MGAT4C: variants seen among roughly 807,000 people sequenced by gnomAD.
MGAT4C encodes alpha-1,3-mannosyl-glycoprotein 4-beta-N-acetylglucosaminyltransferase C.
A neutral mutation model predicts 40.1 loss-of-function variants in MGAT4C; 19 were observed. The ratio of observed to expected loss-of-function variants is 0.47; its 90% CI spans 0.33 to 0.70. The LOEUF is 0.70. MGAT4C is among the 30% of genes least tolerant of loss of function. The probability of loss-of-function intolerance (pLI) is 0.02; values close to 1 mark genes in which losing one functional copy is unlikely to be tolerated. For synonymous variants in MGAT4C, 181 were observed against 187.1 expected, an observed-to-expected ratio of 0.97 and a Z score of 0.27; for missense variants, 491 against 563.2, an observed-to-expected ratio of 0.87 and a Z score of 1.30.
chr12:86,149,810 A>G (rs927771548), intron 1 of MGAT4C, among the ~76,000 whole-genome samples: 1 of 152,224 alleles, frequency 6.6e-6, no homozygotes. Flanking sequence ...ATTATGAAGA[A>G]CTACCATGGT....
intron 4 of MGAT4C, among the ~76,000 whole-genome samples, chr12:86,290,844 C>A (rs546507981): frequency 2.0e-5 from 3 of 151,892 alleles, no homozygotes; most frequent in Admixed American, 6.6e-5. Flanking sequence ...TACATTCTTG[C>A]GGTATGTTAC....
At chr12:86,374,355 A>G (rs1352939739) in intron 3 of MGAT4C, among the ~76,000 whole-genome samples, 1 of 152,162 alleles carries the variant, frequency 6.6e-6, no homozygotes, top group Admixed American at 6.6e-5. Context: ...TACCCAATGC[A>G]AAATATCTAG....
chr12:86,551,021 C>T (rs922240096), intron 2 of MGAT4C, among the ~76,000 whole-genome samples: 8 of 151,536 alleles, frequency 5.3e-5, no homozygotes, highest in African/African-American at 1.9e-4. Flanking sequence ...TGATCAGTCA[C>T]GTGCCCACAT....
intron 2 of MGAT4C, among the ~76,000 whole-genome samples, chr12:86,480,846 T>G (rs887847247): frequency 1.3e-5 from 2 of 151,858 alleles, no homozygotes; most frequent in African/African-American, 2.4e-5. Flanking sequence ...ACCTTTTGTA[T>G]TGTTTTTGTT....
At chr12:86,404,041 G>C (rs1459243376) in intron 3 of MGAT4C, among the ~76,000 whole-genome samples, 2 of 151,990 alleles carry the variant, frequency 1.3e-5, no homozygotes, top group East Asian at 3.9e-4. Flanking sequence ...CCTTTCACTG[G>C]TCATGGTGGT....
chr12:86,539,395 G>A (rs1414597753), intron 2 of MGAT4C, among the ~76,000 whole-genome samples: 1 of 152,168 alleles, frequency 6.6e-6, no homozygotes, highest in African/African-American at 2.4e-5. Flanking sequence ...TGGTGTACAT[G>A]TGCCACATTT....
chr12:86,329,905 A>G (rs1466665897), intron 4 of MGAT4C, among the ~76,000 whole-genome samples: 1 of 152,196 alleles, frequency 6.6e-6, no homozygotes, highest in Admixed American at 6.5e-5. Context: ...TGTAAAATAA[A>G]TGAATGGATG....
chr12:86,412,113 A>T (rs1434307630), intron 3 of MGAT4C, among the ~76,000 whole-genome samples: 1 of 152,206 alleles, frequency 6.6e-6, no homozygotes, highest in Admixed American at 6.5e-5. Context: ...GTCTAGTCAG[A>T]AGCTTGTAGC....
At chr12:86,159,085 G>A (rs1885300603) in intron 1 of MGAT4C, among the ~76,000 whole-genome samples, 1 of 152,104 alleles carries the variant, frequency 6.6e-6, no homozygotes, top group African/African-American at 2.4e-5. Context: ...TAGAAGTGGT[G>A]AGAGTAGGCA....
intron 1 of MGAT4C, among the ~76,000 whole-genome samples, chr12:86,760,027 C>T (rs745600050): frequency 1.3e-5 from 2 of 152,044 alleles, no homozygotes; most frequent in African/African-American, 2.4e-5. Context: ...TCAAAACATG[C>T]TACAAAGTCA....
At chr12:86,158,318 T>C (rs1885206113) in intron 1 of MGAT4C, among the ~76,000 whole-genome samples, 1 of 152,190 alleles carries the variant, frequency 6.6e-6, no homozygotes, top group Non-Finnish European at 1.5e-5. Flanking sequence ...AATTCAAATT[T>C]TGACCATTTT....
chr12:86,434,402 T>A (rs1428670634), intron 3 of MGAT4C, among the ~76,000 whole-genome samples: 1 of 151,850 alleles, frequency 6.6e-6, no homozygotes, highest in Non-Finnish European at 1.5e-5. Flanking sequence ...TGTCAAATAT[T>A]TATATATACT....
At chr12:86,447,208 C>A (rs555563096) in intron 2 of MGAT4C, among the ~76,000 whole-genome samples, 1 of 152,156 alleles carries the variant, frequency 6.6e-6, no homozygotes, top group African/African-American at 2.4e-5. Context: ...TCACCGCAAC[C>A]TTTGCCTCCC....
intron 3 of MGAT4C, among the ~76,000 whole-genome samples, chr12:86,386,358 A>G (rs894235853): frequency 3.9e-5 from 6 of 152,024 alleles, no homozygotes; most frequent in African/African-American, 7.2e-5. Flanking sequence ...ACCTCCTCCC[A>G]CTAGACAATG....
At chr12:86,699,374 G>A (rs931179908) in intron 2 of MGAT4C, among the ~76,000 whole-genome samples, 11 of 152,074 alleles carry the variant, frequency 7.2e-5, no homozygotes, top group African/African-American at 1.7e-4. Context: ...AAAAATATAC[G>A]TATTTTGATT....
intron 2 of MGAT4C, among the ~76,000 whole-genome samples, chr12:86,478,122 T>C (rs957817039): frequency 6.6e-6 from 1 of 152,168 alleles, no homozygotes; most frequent in Non-Finnish European, 1.5e-5. Flanking sequence ...TAACTTCAAG[T>C]TGTTCATAAT....
At chr12:86,373,997 G>C (rs1328550232) in intron 3 of MGAT4C, among the ~76,000 whole-genome samples, 1 of 152,012 alleles carries the variant, frequency 6.6e-6, no homozygotes, top group Non-Finnish European at 1.5e-5. Flanking sequence ...CAAGCATTGT[G>C]TTAGGTCCTT....
chr12:86,540,334 C>T (rs1959151911), intron 2 of MGAT4C, among the ~76,000 whole-genome samples: 1 of 152,164 alleles, frequency 6.6e-6, no homozygotes, highest in Non-Finnish European at 1.5e-5. Flanking sequence ...AACTAACAAT[C>T]ATTTCTCAGG....
At chr12:86,398,688 C>A (rs1956302630) in intron 3 of MGAT4C, among the ~76,000 whole-genome samples, 1 of 151,838 alleles carries the variant, frequency 6.6e-6, no homozygotes, top group African/African-American at 2.4e-5. Flanking sequence ...TCCTGCCCGT[C>A]TTTTACTTGC....
Sources: allele counts gnomAD v4.1 joint callset (sites outside exome capture counted in the v4.1 genomes callset), GRCh38; gene constraint gnomAD v4.1.1; transcripts MANE v1.5; gene names NCBI Gene and HGNC (gene_info 2026-07-23, HGNC 2026-07-21).